The following FOCAD variants were observed in gnomAD, a reference collection of about 807,000 sequenced individuals.
FOCAD encodes focadhesin.
Under a neutral mutation model 225.6 loss-of-function variants are expected in FOCAD, and 198 were observed. That is an observed-to-expected ratio of 0.88 (90% CI 0.78 to 0.99). FOCAD has a LOEUF of 0.99. FOCAD is among the 50% of genes least tolerant of loss of function. FOCAD has a pLI of 0.00. For missense variants in FOCAD, 2,713 were observed against 2,123.6 expected (o/e 1.28, Z -5.46); for synonymous variants, 897 against 755.0 (o/e 1.19, Z -3.08).
chr9:20,713,899 T>G (rs1422987257), intron 1 of FOCAD, among the ~76,000 whole-genome samples: 4 of 152,232 alleles, frequency 2.6e-5, no homozygotes, highest in African/African-American at 9.6e-5. Flanking sequence ...TAAAAATTTT[T>G]GACCTGCTTA....
chr9:20,937,388 C>T (rs200871111), intron 28 of FOCAD, among the ~76,000 whole-genome samples: 2 of 152,078 alleles, frequency 1.3e-5, no homozygotes, highest in African/African-American at 4.8e-5. Flanking sequence ...GAGATATAGA[C>T]CAATGGAGCA....
chr9:20,936,845 A>T (rs138862345), intron 28 of FOCAD, among the ~76,000 whole-genome samples: 277 of 152,316 alleles, frequency 1.8e-3, no homozygotes, highest in African/African-American at 6.0e-3. Flanking sequence ...TGTCAGCCCA[A>T]AATCTCCTTA....
chr9:20,690,581 C>G (rs1822910545), intron 1 of FOCAD, among the ~76,000 whole-genome samples: 1 of 152,184 alleles, frequency 6.6e-6, no homozygotes, highest in Admixed American at 6.5e-5. Context: ...CAGAGTCTTG[C>G]TCTGTCGCCC....
chr9:20,749,506 C>A lies in FOCAD; in HGVS notation c.393-8584C>A, dbSNP rs1019194868. Among the ~76,000 whole-genome samples the A allele has an allele frequency of 5.9e-5, 9 of 152,230 alleles. No individual in the cohort carries two copies. The South Asian group carries it at 1.9e-3, about 32-fold the overall frequency. On this transcript the variant is annotated intron_variant, in intron 5 of 43. Coordinates refer to ENST00000338382, the MANE Select transcript of FOCAD (RefSeq NM_001375567.1). ...TTCATAATTTTTCGTTATGCATCTT[C>A]TAACTTAAAATCTGCAGATTAAAAA...
rs1247505421 is a variant in FOCAD, at chr9:20,753,327, A to ACGTCC, written c.393-4761_393-4757dup. Among the ~76,000 whole-genome samples, 7 of 152,026 alleles carry ACGTCC rather than the reference A, an allele frequency of 4.6e-5. No homozygotes were observed. The East Asian group carries it at 1.4e-3, about 29-fold the overall frequency. On this transcript the variant is annotated intron_variant, in intron 5 of 43. Transcript: ENST00000338382. ...TAGATAGCTCTTATTATTTTGAAAT[A>ACGTCC]CGTCCCATCAATACCTAATTTATTG... is the stretch of plus-strand genomic sequence containing the variant.
At chr9:20,808,194 G>A (rs190726498) in intron 11 of FOCAD, among the ~76,000 whole-genome samples, 67 of 152,322 alleles carry the variant, frequency 4.4e-4, no homozygotes, top group South Asian at 1.2e-3. Context: ...CTAAGAGCGC[G>A]ATGGAATGTC....
intron 23 of FOCAD, among the ~76,000 whole-genome samples, chr9:20,914,164 T>C (rs1431545015): frequency 6.6e-6 from 1 of 152,036 alleles, no homozygotes; most frequent in East Asian, 1.9e-4. Context: ...AAGTGAGCTC[T>C]TCCTCATCCT....
chr9:20,952,695 T>G (rs1199392190), intron 34 of FOCAD, among the ~76,000 whole-genome samples: 1 of 146,332 alleles, frequency 6.8e-6, no homozygotes, highest in Admixed American at 6.8e-5. Context: ...GTGGAAAGGG[T>G]TTTTTTTTTT....
In FOCAD at chr9:20,788,047, G is replaced by A. The variant is rs149056347; in HGVS notation, c.1198-1304G>A. The stretch of plus-strand genomic sequence containing the variant: ...GTTCATAGCATCATTATTCATTATC[G>A]CCAAAATGTGGAAACAACCCAAATA... On this transcript the variant is annotated intron_variant, in intron 10 of 43. Coordinates refer to ENST00000338382, the MANE Select transcript of FOCAD (RefSeq NM_001375567.1). Among the ~76,000 whole-genome samples, 417 of 152,160 alleles carry A rather than the reference G, an allele frequency of 2.7e-3. 3 individuals are homozygous for A. The Middle Eastern group carries it at 0.034, about 12-fold the overall frequency.
intron 11 of FOCAD, among the ~76,000 whole-genome samples, chr9:20,805,637 T>C (rs1336172467): frequency 1.3e-5 from 2 of 152,176 alleles, no homozygotes; most frequent in Non-Finnish European, 2.9e-5. Context: ...CCAAAAGATA[T>C]GGAACTGTTA....
chr9:20,751,080 A>G (rs1019474815), intron 5 of FOCAD, among the ~76,000 whole-genome samples: 7 of 152,174 alleles, frequency 4.6e-5, no homozygotes, highest in African/African-American at 1.7e-4. Context: ...CAGAGCCAGG[A>G]TGTAAATTTG....
intron 18 of FOCAD, among the ~76,000 whole-genome samples, chr9:20,873,496 G>T (rs1021976711): frequency 2.0e-5 from 3 of 152,158 alleles, no homozygotes; most frequent in African/African-American, 7.2e-5. Flanking sequence ...CCTATCTAGA[G>T]TATACCTGAT....
Position 20,789,392 on chromosome 9 carries a change from T to C in FOCAD, c.1239T>C (p.Gly413=). The C allele has an allele frequency of 6.2e-7, 1 of 1,614,028 alleles. No individual in the cohort carries two copies. Residue 413 remains glycine, a synonymous_variant, in exon 11 of 44, where the codon GGT becomes GGC. Coordinates refer to ENST00000338382, the MANE Select transcript of FOCAD (RefSeq NM_001375567.1). ...KLVCPVTSMY[G]TIFTAWRILE... is the part of the protein sequence containing the mutation. Reference sequence around the variant, plus strand: ...TGTGCCCTGTAACCAGTATGTATGGTACAATATTTACAGCCTGGAGGATTC... The same window carrying C: ...TGTGCCCTGTAACCAGTATGTATGGCACAATATTTACAGCCTGGAGGATTC...
chr9:20,874,323 A>G (rs1830045956), intron 18 of FOCAD: 1 of 177,410 alleles, frequency 5.6e-6, no homozygotes, highest in Admixed American at 6.3e-5. Flanking sequence ...ACTATGAGCT[A>G]TAGAAGTTAA....
intron 8 of FOCAD, among the ~76,000 whole-genome samples, chr9:20,775,442 G>A (rs2131048296): frequency 6.6e-6 from 1 of 152,282 alleles, no homozygotes; most frequent in Non-Finnish European, 1.5e-5. Flanking sequence ...TCTTCACTGT[G>A]TGTCTCATTT....
At position 20,882,203 on chromosome 9, in the gene FOCAD, G is replaced by T. The variant is rs78398851; in HGVS notation, c.2503+147G>T. The T allele has an allele frequency of 4.4e-3, 3,009 of 689,538 alleles. 86 individuals are homozygous for T. The East Asian group carries it at 0.057, about 13-fold the overall frequency. 42.7% of individuals were successfully genotyped at this position (689,538 alleles called of 1,614,324 possible). A position where few individuals can be genotyped will look rare whatever the true frequency, so the allele number is the denominator to read the frequency against. On this transcript the variant is annotated intron_variant, in intron 20 of 43. Coordinates refer to ENST00000338382, the MANE Select transcript of FOCAD (RefSeq NM_001375567.1). Reference sequence around the variant, plus strand: ...TTATAAAAATCATCGCACTTTAAAAGACATCGCAGAACTGTAGAAGCAAAG... The same window carrying T: ...TTATAAAAATCATCGCACTTTAAAATACATCGCAGAACTGTAGAAGCAAAG...
intron 35 of FOCAD, among the ~76,000 whole-genome samples, chr9:20,970,466 C>CCT (rs1307843988): frequency 6.6e-6 from 1 of 151,780 alleles, no homozygotes; most frequent in South Asian, 2.1e-4. Flanking sequence ...CTATTTAATC[C>CCT]CTCTAGTGAG....
rs1443446588 is a variant in FOCAD, at chr9:20,691,860, G to A, written c.-33+7567G>A. Among the ~76,000 whole-genome samples, 4 of 150,766 alleles carry A rather than the reference G, an allele frequency of 2.7e-5. No homozygotes were observed. The East Asian group carries it at 5.9e-4, about 22-fold the overall frequency. On this transcript the variant is annotated intron_variant, in intron 1 of 43. Transcript: ENST00000338382. Reference sequence around the variant, plus strand: ...ACGATCTCGGCTCACTGCAACCTCCGCCTCCCGGGTTCAAGCGATTCTCCT... The same window carrying A: ...ACGATCTCGGCTCACTGCAACCTCCACCTCCCGGGTTCAAGCGATTCTCCT...
At chr9:20,659,857 C>T (rs560502163) in intron 2 of FOCAD, among the ~76,000 whole-genome samples, 13 of 152,246 alleles carry the variant, frequency 8.5e-5, no homozygotes, top group Non-Finnish European at 1.6e-4. Context: ...ATGGGAAGGG[C>T]TTGACTAAGG....
Sources: allele counts gnomAD v4.1 joint callset (sites outside exome capture counted in the v4.1 genomes callset), GRCh38; gene constraint gnomAD v4.1.1; transcripts MANE v1.5; gene names NCBI Gene and HGNC (gene_info 2026-07-23, HGNC 2026-07-21).